ADGRB2: variants seen among roughly 807,000 people sequenced by gnomAD.
ADGRB2 encodes the protein brain-specific angiogenesis inhibitor 2.
ADGRB2 carries 47 observed loss-of-function variants against 178.7 expected under a neutral mutation model. The observed-to-expected ratio is 0.26, with a 90% confidence interval of 0.21 to 0.34. ADGRB2 has a LOEUF of 0.34. ADGRB2 is among the 10% of genes least tolerant of loss of function. The pLI, the probability that ADGRB2 is intolerant of heterozygous loss-of-function variation, is 1.00. For missense variants in ADGRB2, 1,584 were observed against 2,180.8 expected, an observed-to-expected ratio of 0.73 and a Z score of 5.45; for synonymous variants, 870 against 912.4, an observed-to-expected ratio of 0.95 and a Z score of 0.84.
chr1:31,736,035 C>T (rs1557746186), intron 22 of ADGRB2, 142 bp from the exon 23 acceptor site: 1 of 963,680 alleles, frequency 1.0e-6, no homozygotes, highest in Non-Finnish European at 1.5e-6. Context: ...GAGCCACTGG[C>T]TCCTGCTGAG....
chr1:31,738,949 G>A lies in ADGRB2; in HGVS notation c.2496-12C>T, dbSNP rs745783723. 24 of 1,597,964 alleles carry A rather than the reference G, an allele frequency of 1.5e-5. No homozygotes were observed. Among genetic ancestry groups the A allele is most frequent in the Admixed American group, 3.4e-5 (2 of 59,346 alleles). On this transcript the variant is annotated splice_polypyrimidine_tract_variant and intron_variant, in intron 15 of 32. Transcript: ENST00000373658. ...CGGCCAGCGGGGGCCTGCGGGACAG[G>A]TACCGAAGTCAGCTCCTGCCAGCGG...
intron 4 of ADGRB2, among the ~76,000 whole-genome samples, chr1:31,745,052 C>T (rs1348254516): frequency 6.6e-6 from 1 of 152,202 alleles, no homozygotes; most frequent in African/African-American, 2.4e-5. Flanking sequence ...GTGCCAAGTG[C>T]GGCCCATAAC....
At position 31,755,957 on chromosome 1, in the gene ADGRB2, C is replaced by T; in HGVS notation, c.838+42G>A. The stretch of plus-strand genomic sequence containing the variant: ...GGATGGACACCAGGGACACTGTCAG[C>T]CCCTGCAGACCCCGCCCCACCCAGG... On this transcript the variant is annotated intron_variant, in intron 4 of 32. Transcript: ENST00000373658. This position sits in a 1 kb window ranked among gnomAD's most constrained non-coding sequence, Gnocchi z 5.1. 6.4e-7 allele frequency: 1 copy of T among 1,563,644 alleles called. No homozygotes were observed. Among genetic ancestry groups the T allele is most frequent in the Non-Finnish European group, 8.7e-7 (1 of 1,151,336 alleles).
intron 18 of ADGRB2, 59 bp from the exon 19 acceptor site, chr1:31,737,814 C>T: frequency 1.4e-6 from 2 of 1,467,676 alleles, no homozygotes; most frequent in African/African-American, 1.4e-5. Flanking sequence ...TGCAGGGGTG[C>T]CCTGTCCCCT....
chr1:31,738,284 G>T lies in ADGRB2; in HGVS notation c.2688C>A (p.Thr896=). 1.2e-6 allele frequency: 2 copies of T among 1,614,058 alleles called. No individual in the cohort carries two copies. The highest frequency in any genetic ancestry group is 3.3e-5 in the Admixed American group (2 of 60,026). Residue 896 remains threonine, a synonymous_variant, in exon 18 of 33, where the codon ACC becomes ACA. Coordinates refer to ENST00000373658, the MANE Select transcript of ADGRB2 (RefSeq NM_001364857.2). ...SGDWDTENCQ[T]LETQAAHTRC... ...GGGTGTGAGCTGCCTGGGTCTCCAG[G>T]GTCTGGCAATTTTCAGTGTCCCAGT...
chr1:31,740,862 T>C lies in ADGRB2; in HGVS notation c.1795-321A>G, dbSNP rs1645904762. ...CATCCCAAAGGGGTCATGTACATTC[T>C]GGAGTGTAATGAGCATGTGTGTGGG... On this transcript the variant is annotated intron_variant, in intron 11 of 32. Coordinates refer to ENST00000373658, the MANE Select transcript of ADGRB2 (RefSeq NM_001364857.2). The surrounding 1 kb of genome is among the most constrained non-coding windows in gnomAD (Gnocchi z 5.9). Among the ~76,000 whole-genome samples the C allele has an allele frequency of 6.6e-6, 1 of 150,952 alleles. No homozygotes were observed. The highest frequency in any genetic ancestry group is 2.4e-5 in the African/African-American group (1 of 41,024).
chr1:31,744,355 C>T lies in ADGRB2; in HGVS notation c.925G>A (p.Asp309Asn). 7 of 1,550,366 alleles carry T rather than the reference C, an allele frequency of 4.5e-6. No homozygotes were observed. Among genetic ancestry groups the T allele is most frequent in the East Asian group, 2.4e-5 (1 of 40,902 alleles). The change falls in exon 6 of 33, where the codon GAC becomes AAC. Residue 309 changes from aspartate to asparagine, a missense_variant and splice_region_variant. By Grantham distance (23) the Asp-to-Asn change is conservative. Coordinates refer to ENST00000373658, the MANE Select transcript of ADGRB2 (RefSeq NM_001364857.2). The surrounding 1 kb of genome is among the most constrained non-coding windows in gnomAD (Gnocchi z 6.7). ...EPGLYMAQTG[D>N]PAAEEWSPWS... ...GGGGACCACTCCTCAGCCGCCGGGT[C>T]GCCTACGAGAGAGGGACAGCGTCGG... is the stretch of plus-strand genomic sequence containing the variant.
At chr1:31,745,491 A>AAGC (rs1278304561) in intron 4 of ADGRB2, among the ~76,000 whole-genome samples, 1 of 152,174 alleles carries the variant, frequency 6.6e-6, no homozygotes, top group African/African-American at 2.4e-5. Flanking sequence ...TAGGCCTTGG[A>AAGC]AGCACTACCA....
At chr1:31,732,038 C>A in intron 28 of ADGRB2, 77 bp downstream of exon 28, 1 of 1,574,480 alleles carries the variant, frequency 6.4e-7, no homozygotes, top group Admixed American at 1.7e-5. Flanking sequence ...CCATCAGGGC[C>A]TCCCATGATG....
chr1:31,727,854 T>C lies in ADGRB2; in HGVS notation c.4572+171A>G, dbSNP rs1645065062. 6.1e-6 allele frequency: 6 copies of C among 977,452 alleles called. No homozygotes were observed. The highest frequency in any genetic ancestry group is 8.8e-6 in the Non-Finnish European group (6 of 681,672). The allele number at this position is 977,452 out of a possible 1,614,324, so 60.5% of individuals were successfully genotyped here. On this transcript the variant is annotated intron_variant, in intron 32 of 32. Transcript: ENST00000373658. The surrounding 1 kb of genome is among the most constrained non-coding windows in gnomAD (Gnocchi z 4.4). ...CCCAATCCTGGAGGACCTCCACCCC[T>C]GTTCGCCATCTGCAGCACCTTCCCC...
At position 31,742,917 on chromosome 1, in the gene ADGRB2, G is replaced by A. The variant is rs1646057608; in HGVS notation, c.1173C>T (p.Cys391=). Residue 391 remains cysteine (C), a synonymous_variant, in exon 7 of 33, where the codon TGC becomes TGT. Coordinates refer to ENST00000373658, the MANE Select transcript of ADGRB2 (RefSeq NM_001364857.2). ...GRGSRSRMRT[C]VPPQHGGKAC... is the part of the protein sequence containing the mutation. ...CCTTGCCGCCGTGCTGGGGGGGCAC[G>A]CAGGTCCGCATCCGGCTCCGGGACC... is the stretch of plus-strand genomic sequence containing the variant. The A allele has an allele frequency of 3.9e-6, 6 of 1,542,374 alleles. No individual in the cohort carries two copies. The highest frequency in any genetic ancestry group is 5.0e-5 in the East Asian group (2 of 40,352).
intron 4 of ADGRB2, among the ~76,000 whole-genome samples, chr1:31,746,553 C>T (rs1180702451): frequency 3.9e-5 from 6 of 152,164 alleles, no homozygotes; most frequent in South Asian, 4.1e-4. Flanking sequence ...ATCCGCTGGG[C>T]GCCCGGGACT....
intron 7 of ADGRB2, among the ~76,000 whole-genome samples, chr1:31,742,495 A>G (rs1360058468): frequency 2.6e-5 from 4 of 152,206 alleles, no homozygotes; most frequent in African/African-American, 9.6e-5. Context: ...AAGGGGCTGC[A>G]GGGGTGTCTT....
rs1645852277 is a variant in ADGRB2, at chr1:31,740,097, C to T, written c.2058+13G>A. The T allele has an allele frequency of 6.2e-7, 1 of 1,614,052 alleles. No individual in the cohort carries two copies. Among genetic ancestry groups the T allele is most frequent in the Admixed American group, 1.7e-5 (1 of 60,008 alleles). ...GGGTCACGGGAGGAGAAGCTGGCAG[C>T]TGTGCCCCGCACCTGCTGAGCATCG... On this transcript the variant is annotated intron_variant, in intron 13 of 32. Coordinates refer to ENST00000373658, the MANE Select transcript of ADGRB2 (RefSeq NM_001364857.2). The surrounding 1 kb of genome is among the most constrained non-coding windows in gnomAD (Gnocchi z 5.9).
Position 31,730,898 on chromosome 1 carries a change from G to A in ADGRB2, c.4282C>T (p.Pro1428Ser). The change falls in exon 29 of 33, where the codon CCG (proline) becomes TCG (serine). Residue 1428 changes from proline to serine, a missense_variant. Around this residue, in one of 3 missense-constraint regions of ADGRB2, gnomAD observed 865 missense variants for 1,192.8 expected, o/e 0.73. Coordinates refer to ENST00000373658, the MANE Select transcript of ADGRB2 (RefSeq NM_001364857.2). ...GGCACTTGGCGGGCGCTGGGTGTCG[G>A]CGGTGGCGGTTGGAAGGTCATTCCA... ...PYGMTFQPPP[P>S]TPSARQVPEP... 6.3e-7 allele frequency: 1 copy of A among 1,579,668 alleles called. No individual in the cohort carries two copies. The highest frequency in any genetic ancestry group is 1.2e-5 in the South Asian group (1 of 85,806).
rs12034555 is a variant in ADGRB2 at position 31,740,927 on chromosome 1, T to A, written c.1795-386A>T. Among the ~76,000 whole-genome samples, 388 of 67,918 alleles carry A rather than the reference T, an allele frequency of 5.7e-3. 1 individual carries two copies. The highest frequency in any genetic ancestry group is 8.5e-3 in the Middle Eastern group (1 of 118). 44.6% of individuals were successfully genotyped at this position (67,918 alleles called of 152,430 possible). On this transcript the variant is annotated intron_variant, in intron 11 of 32. Coordinates refer to ENST00000373658, the MANE Select transcript of ADGRB2 (RefSeq NM_001364857.2). This position sits in a 1 kb window ranked among gnomAD's most constrained non-coding sequence, Gnocchi z 5.9. ...CACACACACACACACACACACACAC[T>A]GTCTTTCTCTCTCTCACTCTCTCTC...
Position 31,764,077 on chromosome 1 carries a change from G to C in ADGRB2, c.-384C>G. Reference sequence around the variant, plus strand: ...CCGCGGAGCAGCGCGGGGCGGGCGGGCGGGCGGCGCCGGGCCGGGCGCGGG... The same window carrying C: ...CCGCGGAGCAGCGCGGGGCGGGCGGCCGGGCGGCGCCGGGCCGGGCGCGGG... On this transcript the variant is annotated 5_prime_UTR_variant, in exon 1 of 33. Transcript: ENST00000373658. The surrounding 1 kb of genome is among the most constrained non-coding windows in gnomAD (Gnocchi z 7.3). 1 of 923,068 alleles carries C rather than the reference G, an allele frequency of 1.1e-6. No individual in the cohort carries two copies. Among genetic ancestry groups the C allele is most frequent in the Non-Finnish European group, 1.3e-6 (1 of 778,460 alleles). 57.2% of individuals were successfully genotyped at this position (923,068 alleles called of 1,614,324 possible). A position where few individuals can be genotyped will look rare whatever the true frequency, so the allele number is the denominator to read the frequency against.
In ADGRB2 at chr1:31,728,569, C is replaced by T. The variant is rs1645115950; in HGVS notation, c.4416+29G>A. 6.2e-7 allele frequency: 1 copy of T among 1,613,990 alleles called. No individual in the cohort carries two copies. Among genetic ancestry groups the T allele is most frequent in the Non-Finnish European group, 8.5e-7 (1 of 1,179,894 alleles). The stretch of plus-strand genomic sequence containing the variant: ...GGGACAGACACCACAGCCAGATGTC[C>T]CACCGCCCAGCACACACATGGCCCT... On this transcript the variant is annotated intron_variant, in intron 30 of 32. Transcript: ENST00000373658. This position sits in a 1 kb window ranked among gnomAD's most constrained non-coding sequence, Gnocchi z 6.7.
In ADGRB2 at chr1:31,735,689, G is replaced by C. The variant is rs367949844; in HGVS notation, c.3268-24C>G. The C allele has an allele frequency of 2.5e-6, 4 of 1,579,228 alleles. No homozygotes were observed. In the African/African-American group the frequency reaches 4.0e-5, roughly 16 times the overall value. On this transcript the variant is annotated intron_variant, in intron 23 of 32. Transcript: ENST00000373658. The surrounding 1 kb of genome is among the most constrained non-coding windows in gnomAD (Gnocchi z 6.0). ...ACCTGGGGGCCCAGTAGAGTGGAGT[G>C]GGGGAGACAGGATCACCAGGTGCCC... is the stretch of plus-strand genomic sequence containing the variant.
Sources: allele counts gnomAD v4.1 joint callset (sites outside exome capture counted in the v4.1 genomes callset), GRCh38; gene constraint gnomAD v4.1.1; regional missense constraint gnomAD v4.1.1; non-coding constraint Gnocchi (gnomAD v3.1); transcripts MANE v1.5; gene names NCBI Gene and HGNC (gene_info 2026-07-23, HGNC 2026-07-21).